The following GPR183 variants were observed in gnomAD, a reference collection of about 807,000 sequenced individuals.
GPR183 encodes the protein EBV-induced G-protein coupled receptor 2.
GPR183 carries 9 observed loss-of-function variants against 19.7 expected under a neutral mutation model. That is an observed-to-expected ratio of 0.46 (90% confidence interval 0.28 to 0.80). GPR183 has a LOEUF of 0.80. GPR183 is among the 30% of genes least tolerant of loss of function. GPR183 has a pLI of 0.13. For missense variants in GPR183, 368 were observed against 446.7 expected (o/e 0.82, Z 1.59); for synonymous variants, 160 against 155.1 (o/e 1.03, Z -0.24).
intron 1 of GPR183, among the ~76,000 whole-genome samples, chr13:99,303,823 AG>A (rs1010687374): frequency 2.6e-5 from 4 of 152,240 alleles, no homozygotes; most frequent in Non-Finnish European, 5.9e-5. Context: ...ACTGAATTCC[AG>A]GTCAACTCGG....
At chr13:99,300,591 C>G (rs1292624065) in intron 1 of GPR183, among the ~76,000 whole-genome samples, 1 of 152,206 alleles carries the variant, frequency 6.6e-6, no homozygotes, top group African/African-American at 2.4e-5. Context: ...CTTAAGGATT[C>G]CTTTCTGAAA....
Position 99,299,316 on chromosome 13 carries a change from A to G in GPR183, c.-18-3153T>C, listed in dbSNP as rs367617257. On this transcript the variant is annotated intron_variant, in intron 1 of 1. Transcript: ENST00000376414. ...TAGCCATACAGTAGAATACAGGAATACAGCCATGCAGTGAATACAGTGCAG... is the reference window on the plus strand; with the variant it reads ...TAGCCATACAGTAGAATACAGGAATGCAGCCATGCAGTGAATACAGTGCAG... Among the ~76,000 whole-genome samples the G allele has an allele frequency of 1.4e-3, 212 of 152,350 alleles. 2 individuals are homozygous for G. Among genetic ancestry groups the G allele is most frequent in the African/African-American group, 5.0e-3 (207 of 41,582 alleles).
chr13:99,301,585 C>T (rs2044257551), intron 1 of GPR183, among the ~76,000 whole-genome samples: 1 of 152,086 alleles, frequency 6.6e-6, no homozygotes, highest in African/African-American at 2.4e-5. Context: ...ATTATCATCT[C>T]ATTTTTGCAT....
chr13:99,306,492 C>CA (rs1170503864), intron 1 of GPR183, among the ~76,000 whole-genome samples: 6 of 151,874 alleles, frequency 4.0e-5, no homozygotes, highest in African/African-American at 1.2e-4. Context: ...AGAGTGACAC[C>CA]AAAAAAACAA....
In GPR183 at chr13:99,295,276, C is replaced by G. The variant is rs144039046; in HGVS notation, c.870G>C (p.Leu290=). The G allele has an allele frequency of 3.3e-3, 5,259 of 1,614,098 alleles. 29 individuals carry two copies. The highest frequency in any genetic ancestry group is 0.01 in the South Asian group (956 of 91,084). Residue 290 remains leucine, a synonymous_variant, in exon 2 of 2, where the codon CTG becomes CTC. Coordinates refer to ENST00000376414, the MANE Select transcript of GPR183 (RefSeq NM_004951.5). This position sits in a 1 kb window ranked among gnomAD's most constrained non-coding sequence, Gnocchi z 4.1. ...AGTTCATCAGGCATACTGTAAAGTG[C>G]AGAGAAATCTGGAACGAATGTCTTT... ...CSQRHSFQIS[L]HFTVCLMNFN...
At chr13:99,302,387 C>T (rs1184561049) in intron 1 of GPR183, among the ~76,000 whole-genome samples, 3 of 152,166 alleles carry the variant, frequency 2.0e-5, no homozygotes, top group Non-Finnish European at 4.4e-5. Flanking sequence ...TAAAGATAAG[C>T]ACAGATGTAT....
chr13:99,299,461 C>G (rs1566491812), intron 1 of GPR183, among the ~76,000 whole-genome samples: 1 of 150,134 alleles, frequency 6.7e-6, no homozygotes, highest in East Asian at 1.9e-4. Context: ...CACACACACA[C>G]GCACACACAC....
intron 1 of GPR183, among the ~76,000 whole-genome samples, chr13:99,305,021 A>C (rs2044311591): frequency 6.6e-6 from 1 of 152,206 alleles, no homozygotes; most frequent in South Asian, 2.1e-4. Context: ...TTATTAGTTT[A>C]TTTGTAGCAT....
chr13:99,298,504 A>G (rs1221548079), intron 1 of GPR183, among the ~76,000 whole-genome samples: 3 of 152,210 alleles, frequency 2.0e-5, no homozygotes, highest in African/African-American at 7.2e-5. Flanking sequence ...AATCTGAGAT[A>G]GATATAAAGC....
chr13:99,300,071 C>T (rs2044236092), intron 1 of GPR183, among the ~76,000 whole-genome samples: 1 of 152,240 alleles, frequency 6.6e-6, no homozygotes, highest in African/African-American at 2.4e-5. Flanking sequence ...TATCATGGCA[C>T]ATGCGCAACA....
rs576971706 is a variant in GPR183, at chr13:99,295,586, A to G, written c.560T>C (p.Phe187Ser). ...CCAGGGAAGAGATTTAGTTTCTTCA[A>G]AGTTTGGATACTCCATGCATGTAAT... Reference protein sequence around the residue: ...ERITCMEYPNFEETKSLPWIL... With the variant: ...ERITCMEYPNSEETKSLPWIL... The change falls in exon 2 of 2, where the codon TTT becomes TCT. Residue 187 changes from phenylalanine to serine, a missense_variant. Phe to Ser is a radical substitution (Grantham distance 155, BLOSUM62 -2). Coordinates refer to ENST00000376414, the MANE Select transcript of GPR183 (RefSeq NM_004951.5). The surrounding 1 kb of genome is among the most constrained non-coding windows in gnomAD (Gnocchi z 4.1). 6.2e-7 allele frequency: 1 copy of G among 1,614,088 alleles called. No individual in the cohort carries two copies. Among genetic ancestry groups the G allele is most frequent in the South Asian group, 1.1e-5 (1 of 91,086 alleles).
In GPR183 at chr13:99,294,951, A is replaced by C; in HGVS notation, c.*109T>G. On this transcript the variant is annotated 3_prime_UTR_variant, in exon 2 of 2. Coordinates refer to ENST00000376414, the MANE Select transcript of GPR183 (RefSeq NM_004951.5). ...GATGGGAAAGTGCCCAATGAAAGAAATATAAAAGAATACTAATTGGAAGCT... is the reference window on the plus strand; with the variant it reads ...GATGGGAAAGTGCCCAATGAAAGAACTATAAAAGAATACTAATTGGAAGCT... 1 of 1,277,114 alleles carries C rather than the reference A, an allele frequency of 7.8e-7. No individual in the cohort carries two copies. The highest frequency in any genetic ancestry group is 1.5e-5 in the South Asian group (1 of 66,068). The allele number at this position is 1,277,114 out of a possible 1,614,324, so 79.1% of individuals were successfully genotyped here.
intron 1 of GPR183, among the ~76,000 whole-genome samples, chr13:99,306,206 T>A (rs999989660): frequency 6.6e-6 from 1 of 152,128 alleles, no homozygotes; most frequent in Non-Finnish European, 1.5e-5. Flanking sequence ...TGATTCAGGG[T>A]CTTTATGTAA....
At chr13:99,298,942 T>A (rs2044216924) in intron 1 of GPR183, among the ~76,000 whole-genome samples, 1 of 152,232 alleles carries the variant, frequency 6.6e-6, no homozygotes, top group African/African-American at 2.4e-5. Context: ...TGAAAATGTA[T>A]TTTTTTCCAA....
chr13:99,299,925 C>T (rs1397841157), intron 1 of GPR183, among the ~76,000 whole-genome samples: 1 of 152,158 alleles, frequency 6.6e-6, no homozygotes, highest in African/African-American at 2.4e-5. Flanking sequence ...ATGCTAGATC[C>T]CTCTCTGTGA....
Position 99,296,083 on chromosome 13 carries a change from A to G in GPR183, c.63T>C (p.Cys21=). 6.2e-7 allele frequency: 1 copy of G among 1,613,646 alleles called. No individual in the cohort carries two copies. Among genetic ancestry groups the G allele is most frequent in the African/African-American group, 1.3e-5 (1 of 75,044 alleles). ...PPSATPQGND[C]DLYAHHSTAR... ...CCGTGCTGTGATGTGCATAGAGGTCACAGTCATTTCCCTGAGGAGTTGCAG... is the reference window on the plus strand; with the variant it reads ...CCGTGCTGTGATGTGCATAGAGGTCGCAGTCATTTCCCTGAGGAGTTGCAG... The change falls in exon 2 of 2, where the codon TGT becomes TGC. Residue 21 remains cysteine (C), a synonymous_variant. Coordinates refer to ENST00000376414, the MANE Select transcript of GPR183 (RefSeq NM_004951.5).
At chr13:99,304,669 T>C (rs1431915731) in intron 1 of GPR183, among the ~76,000 whole-genome samples, 1 of 152,224 alleles carries the variant, frequency 6.6e-6, no homozygotes, top group Non-Finnish European at 1.5e-5. Context: ...CCCTGGGCAC[T>C]CTATGTGTGT....
In GPR183 at chr13:99,296,180, A is replaced by G. The variant is rs778913464; in HGVS notation, c.-18-17T>C. The G allele has an allele frequency of 1.3e-6, 2 of 1,531,840 alleles. No homozygotes were observed. Among genetic ancestry groups the G allele is most frequent in the African/African-American group, 1.4e-5 (1 of 71,976 alleles). 94.9% of individuals were successfully genotyped at this position (1,531,840 alleles called of 1,614,324 possible). On this transcript the variant is annotated splice_polypyrimidine_tract_variant and intron_variant, in intron 1 of 1. Coordinates refer to ENST00000376414, the MANE Select transcript of GPR183 (RefSeq NM_004951.5). ...TCCAGGTGTCTAGAAAAAAACCAAGAAGGATCATATAAGTAAAAGCATATG... is the reference window on the plus strand; with the variant it reads ...TCCAGGTGTCTAGAAAAAAACCAAGGAGGATCATATAAGTAAAAGCATATG...
At chr13:99,301,088 C>T (rs1336400542) in intron 1 of GPR183, among the ~76,000 whole-genome samples, 2 of 152,118 alleles carry the variant, frequency 1.3e-5, no homozygotes, top group African/African-American at 2.4e-5. Context: ...TTCTTTAGAA[C>T]ACTAATATCA....
Sources: allele counts gnomAD v4.1 joint callset (sites outside exome capture counted in the v4.1 genomes callset), GRCh38; gene constraint gnomAD v4.1.1; non-coding constraint Gnocchi (gnomAD v3.1); transcripts MANE v1.5; gene names NCBI Gene and HGNC (gene_info 2026-07-23, HGNC 2026-07-21).